The following TBC1D12 variants were observed in gnomAD, a reference collection of about 807,000 sequenced individuals.
TBC1D12 encodes TBC1 domain family member 12.
Under a neutral mutation model 86.7 loss-of-function variants are expected in TBC1D12, and 56 were observed. The ratio of observed to expected loss-of-function variants is 0.65; its 90% CI spans 0.52 to 0.81. TBC1D12 has a LOEUF of 0.81. Ranked by LOEUF, TBC1D12 falls within the 30% of genes least tolerant of loss-of-function variation. The pLI, the probability that TBC1D12 is intolerant of heterozygous loss-of-function variation, is 0.00. For synonymous variants in TBC1D12, 421 were observed against 411.7 expected (o/e 1.02, Z -0.27); for missense variants, 1,023 against 1,038.8 (o/e 0.98, Z 0.21).
chr10:94,434,670 C>G (rs75831359), intron 1 of TBC1D12, among the ~76,000 whole-genome samples: 1,824 of 151,986 alleles, frequency 0.012, 55 homozygotes, highest in African/African-American at 0.042. Context: ...CTTTGGGAGG[C>G]CGAGGCGGGA....
intron 1 of TBC1D12, among the ~76,000 whole-genome samples, chr10:94,439,558 TGC>T (rs1345662819): frequency 1.5e-4 from 23 of 152,298 alleles, no homozygotes; most frequent in Non-Finnish European, 2.6e-4. Flanking sequence ...GCTGAGGGGC[TGC>T]AGTCTGGGCA....
Position 94,402,913 on chromosome 10 carries a change from C to T in TBC1D12, c.300C>T (p.Pro100=), listed in dbSNP as rs770108351. 15 of 1,506,388 alleles carry T rather than the reference C, an allele frequency of 1.0e-5. No individual in the cohort carries two copies. In the South Asian group the frequency reaches 1.7e-4, roughly 17 times the overall value. 93.3% of individuals were successfully genotyped at this position (1,506,388 alleles called of 1,614,324 possible). ...CTGGCCAGGCCGGCGCCCCGCCGCC[C>T]TCGGCAGCCCCACGATCGGACGCCT... ...LPAGQAGAPP[P]SAAPRSDACL... is the part of the protein sequence containing the mutation. Residue 100 remains proline, a synonymous_variant, in exon 1 of 13, where the codon CCC becomes CCT. Coordinates refer to ENST00000225235, the MANE Select transcript of TBC1D12 (RefSeq NM_015188.2).
intron 1 of TBC1D12, among the ~76,000 whole-genome samples, chr10:94,439,866 C>T (rs1211221625): frequency 6.6e-6 from 1 of 152,132 alleles, no homozygotes; most frequent in Non-Finnish European, 1.5e-5. Flanking sequence ...AAGATGTAGA[C>T]ATTTGTTTAA....
At position 94,522,662 on chromosome 10, in the gene TBC1D12, C is replaced by T. The variant is rs138235301; in HGVS notation, c.2000+209C>T. Among the ~76,000 whole-genome samples, 1,164 of 152,078 alleles carry T rather than the reference C, an allele frequency of 7.7e-3. 16 individuals are homozygous for T. The highest frequency in any genetic ancestry group is 0.027 in the African/African-American group (1,113 of 41,460). On this transcript the variant is annotated intron_variant, in intron 11 of 12. Transcript: ENST00000225235. ...GGTGTGGTGGCTCATGTCTGTAATC[C>T]GAGCACTTTGGGAGGCCGAGGTGGG... is the stretch of plus-strand genomic sequence containing the variant.
intron 2 of TBC1D12, 95 bp from the exon 3 acceptor site, chr10:94,474,573 C>T: frequency 3.5e-6 from 3 of 858,012 alleles, no homozygotes; most frequent in Non-Finnish European, 5.5e-6. Context: ...TGTATGTATC[C>T]CTCATTATAG....
chr10:94,408,139 T>C (rs957908989), intron 1 of TBC1D12, among the ~76,000 whole-genome samples: 4 of 152,214 alleles, frequency 2.6e-5, no homozygotes, highest in African/African-American at 4.8e-5. Context: ...GCATAGTTAC[T>C]GTTTTTAAAA....
intron 11 of TBC1D12, among the ~76,000 whole-genome samples, chr10:94,523,889 A>C (rs780618456): frequency 4.6e-5 from 7 of 152,190 alleles, no homozygotes; most frequent in Non-Finnish European, 1.0e-4. Context: ...GGATTGCTTG[A>C]GCACAGGAGT....
At chr10:94,426,460 G>T (rs1162914634) in intron 1 of TBC1D12, among the ~76,000 whole-genome samples, 1 of 152,158 alleles carries the variant, frequency 6.6e-6, no homozygotes, top group Admixed American at 6.5e-5. Flanking sequence ...CATTTAGACT[G>T]TGAATAAAAT....
At chr10:94,417,003 G>T (rs1374050915) in intron 1 of TBC1D12, among the ~76,000 whole-genome samples, 1 of 152,190 alleles carries the variant, frequency 6.6e-6, no homozygotes, top group East Asian at 1.9e-4. Flanking sequence ...AATTATGGGG[G>T]AGCTAAATTT....
intron 2 of TBC1D12, among the ~76,000 whole-genome samples, chr10:94,457,972 T>C (rs2055653557): frequency 1.3e-5 from 2 of 152,134 alleles, no homozygotes. Context: ...ATTACTGCCA[T>C]TCGTTTTACT....
In TBC1D12 at chr10:94,458,957, A is replaced by G. The variant is rs183888849; in HGVS notation, c.1096-15711A>G. ...ATTTATTGCGAAGAGTGAAAAAACA[A>G]AGCTTCCACAGCGTGGAAGGGGACC... is the stretch of plus-strand genomic sequence containing the variant. On this transcript the variant is annotated intron_variant, in intron 2 of 12. Coordinates refer to ENST00000225235, the MANE Select transcript of TBC1D12 (RefSeq NM_015188.2). 2.6e-5 allele frequency among the ~76,000 whole-genome samples: 4 copies of G among 152,210 alleles called. No homozygotes were observed. The East Asian group carries it at 7.7e-4, about 29-fold the overall frequency.
chr10:94,506,290 C>T (rs111993961), intron 6 of TBC1D12, among the ~76,000 whole-genome samples: 4 of 152,144 alleles, frequency 2.6e-5, no homozygotes, highest in Admixed American at 6.6e-5. Flanking sequence ...CCACCCGCCT[C>T]GGCCTCCCAA....
intron 11 of TBC1D12, among the ~76,000 whole-genome samples, chr10:94,523,192 CAAAAA>C (rs33935088): frequency 2.3e-5 from 1 of 44,076 alleles, no homozygotes; most frequent in African/African-American, 9.1e-5. Flanking sequence ...AACTCTATCT[CAAAAA>C]AAAAAAAAAA....
chr10:94,488,759 G>T (rs537099255), intron 3 of TBC1D12, among the ~76,000 whole-genome samples: 1 of 151,864 alleles, frequency 6.6e-6, no homozygotes, highest in African/African-American at 2.4e-5. Flanking sequence ...AAGGCAGCAG[G>T]TTCACTTCTA....
intron 1 of TBC1D12, among the ~76,000 whole-genome samples, chr10:94,434,958 G>T (rs1392315165): frequency 6.6e-6 from 1 of 152,204 alleles, no homozygotes; most frequent in African/African-American, 2.4e-5. Flanking sequence ...TCCAACAGAT[G>T]AATTTTGGGG....
chr10:94,442,963 C>T (rs1449711762), intron 2 of TBC1D12, among the ~76,000 whole-genome samples: 22 of 151,952 alleles, frequency 1.4e-4, no homozygotes, highest in Non-Finnish European at 1.5e-5. Flanking sequence ...CTTCTTTTTG[C>T]ATTTGAATAA....
intron 1 of TBC1D12, among the ~76,000 whole-genome samples, chr10:94,419,618 G>A (rs1199851259): frequency 2.6e-5 from 4 of 152,100 alleles, no homozygotes; most frequent in African/African-American, 7.2e-5. Context: ...GCAGTGAGCC[G>A]AGATTGCGCC....
chr10:94,482,197 C>T (rs2056087080), intron 3 of TBC1D12, among the ~76,000 whole-genome samples: 1 of 152,076 alleles, frequency 6.6e-6, no homozygotes, highest in African/African-American at 2.4e-5. Flanking sequence ...TCCGTTGTTC[C>T]TTCTTTGTGT....
At chr10:94,495,930 T>C (rs2056314048) in intron 4 of TBC1D12, among the ~76,000 whole-genome samples, 1 of 152,034 alleles carries the variant, frequency 6.6e-6, no homozygotes. Context: ...GGTGAATCTC[T>C]GTCTCTACTA....
Sources: gnomAD v4.1 joint callset for allele counts (sites outside exome capture counted in the v4.1 genomes callset) on GRCh38, gnomAD v4.1.1 for gene constraint, MANE v1.5 for transcripts, NCBI Gene and HGNC (gene_info 2026-07-23, HGNC 2026-07-21) for gene names.